The following FAM81B variants were observed in gnomAD, a reference collection of about 807,000 sequenced individuals.
FAM81B encodes protein FAM81B.
FAM81B carries 60 observed loss-of-function variants against 58.7 expected under a neutral mutation model. The observed-to-expected ratio is 1.02, with a 90% CI of 0.83 to 1.27. The LOEUF (loss-of-function observed/expected upper bound fraction) is 1.27, where lower values mean the gene tolerates loss of function less well. FAM81B is among the 50% of genes most tolerant of loss of function. The pLI is 0.00. For synonymous variants in FAM81B, 189 were observed against 179.6 expected (o/e 1.05, Z -0.42); for missense variants, 491 against 522.0 (o/e 0.94, Z 0.58).
At chr5:95,395,996 A>T in intron 2 of FAM81B, 115 bp from the exon 3 acceptor site, 1 of 747,010 alleles carries the variant, frequency 1.3e-6, no homozygotes. Context: ...TGAGCTGATT[A>T]TCTGGTCTAT....
intron 6 of FAM81B, among the ~76,000 whole-genome samples, chr5:95,435,005 G>A (rs1021301986): frequency 1.3e-5 from 2 of 152,326 alleles, no homozygotes; most frequent in East Asian, 3.9e-4. Flanking sequence ...TCTGGTTTCT[G>A]TGAAAAAGAT....
chr5:95,445,828 C>A (rs1745536322), intron 7 of FAM81B, among the ~76,000 whole-genome samples: 1 of 152,148 alleles, frequency 6.6e-6, no homozygotes, highest in African/African-American at 2.4e-5. Flanking sequence ...CTCCATTCTC[C>A]TGCCTCTGAC....
intron 3 of FAM81B, among the ~76,000 whole-genome samples, chr5:95,411,038 A>T (rs2152762978): frequency 6.6e-6 from 1 of 152,354 alleles, no homozygotes; most frequent in East Asian, 1.9e-4. Flanking sequence ...AGACAAATTT[A>T]AAGTAAACCT....
At chr5:95,423,504 C>G (rs1343442213) in intron 5 of FAM81B, among the ~76,000 whole-genome samples, 1 of 150,230 alleles carries the variant, frequency 6.7e-6, no homozygotes, top group Non-Finnish European at 1.5e-5. Context: ...ACTCTCTAGC[C>G]CCATTTGGCT....
rs10567707 is a variant in FAM81B at position 95,408,075 on chromosome 5, T to TGAGAGAGAGAGAGA, written c.294-5848_294-5835dup. ...ATATGGCAGTTGGCTTCCCCCAAAA[T>TGAGAGAGAGAGAGA]GAGAGAGAGAGAGAGAGAGAGAGAG... is the stretch of plus-strand genomic sequence containing the variant. On this transcript the variant is annotated intron_variant, in intron 3 of 9. Transcript: ENST00000283357. Among the ~76,000 whole-genome samples, 287 of 130,270 alleles carry TGAGAGAGAGAGAGA rather than the reference T, an allele frequency of 2.2e-3. 2 individuals are homozygous for TGAGAGAGAGAGAGA. The highest frequency in any genetic ancestry group is 3.3e-3 in the African/African-American group (112 of 33,706). The allele number at this position is 130,270 out of a possible 152,430, so 85.5% of individuals were successfully genotyped here.
chr5:95,440,952 G>A (rs902846040), intron 7 of FAM81B, among the ~76,000 whole-genome samples: 6 of 152,070 alleles, frequency 3.9e-5, no homozygotes, highest in Admixed American at 1.3e-4. Flanking sequence ...GAGAAGAGAA[G>A]AGCAATACTG....
intron 5 of FAM81B, among the ~76,000 whole-genome samples, chr5:95,427,012 G>A (rs967170192): frequency 2.0e-5 from 3 of 152,068 alleles, no homozygotes; most frequent in Admixed American, 6.5e-5. Flanking sequence ...TTGTGCCACT[G>A]CACTCCAGCC....
rs573162401 is a variant in FAM81B, at chr5:95,394,634, T to C, written c.229-1477T>C. On this transcript the variant is annotated intron_variant, in intron 2 of 9. Coordinates refer to ENST00000283357, the MANE Select transcript of FAM81B (RefSeq NM_152548.3). ...GCCCAGTGAATCAGTAGATCCATTC[T>C]CGAGGGGAAGACGTGGCTTAACAGC... 1.3e-4 allele frequency among the ~76,000 whole-genome samples: 20 copies of C among 152,274 alleles called. No homozygotes were observed. In the South Asian group the frequency reaches 3.9e-3, roughly 30 times the overall value.
At chr5:95,403,180 C>T (rs567597486) in intron 3 of FAM81B, among the ~76,000 whole-genome samples, 5 of 152,190 alleles carry the variant, frequency 3.3e-5, no homozygotes, top group Admixed American at 6.5e-5. Context: ...TTACTCTCCC[C>T]GCCTACCCTA....
chr5:95,420,157 C>G (rs1762639598), intron 4 of FAM81B, 127 bp from the exon 5 acceptor site: 2 of 1,098,174 alleles, frequency 1.8e-6, no homozygotes, highest in Non-Finnish European at 2.6e-6. Context: ...TGAGATAGGA[C>G]TCTCTCACTC....
intron 6 of FAM81B, among the ~76,000 whole-genome samples, chr5:95,429,871 G>A (rs1412818862): frequency 6.6e-6 from 1 of 152,134 alleles, no homozygotes; most frequent in Non-Finnish European, 1.5e-5. Context: ...AGTATCCAGT[G>A]ATTCCTACTT....
intron 2 of FAM81B, among the ~76,000 whole-genome samples, chr5:95,394,922 A>C (rs1251422179): frequency 6.6e-6 from 1 of 152,176 alleles, no homozygotes; most frequent in Non-Finnish European, 1.5e-5. Flanking sequence ...GGGCATTTGA[A>C]AAAGGAATGC....
chr5:95,425,992 ATCTTT>A (rs1187363789), intron 5 of FAM81B, among the ~76,000 whole-genome samples: 1 of 150,528 alleles, frequency 6.6e-6, no homozygotes, highest in Admixed American at 6.6e-5. Context: ...CACTACATTT[ATCTTT>A]TCTTAGGTTA....
Position 95,447,566 on chromosome 5 carries a change from AT to A in FAM81B, c.1030-701del, listed in dbSNP as rs546663922. Among the ~76,000 whole-genome samples, 44 of 152,302 alleles carry A rather than the reference AT, an allele frequency of 2.9e-4. 1 individual carries two copies. In the East Asian group the frequency reaches 7.5e-3, roughly 26 times the overall value. Reference sequence around the variant, plus strand: ...CGCAGCACTAGGTAACCGTGGGGTCATTGTGCAGGCAGAAACCTCCCACCAT... The same window carrying A: ...CGCAGCACTAGGTAACCGTGGGGTCATGTGCAGGCAGAAACCTCCCACCAT... On this transcript the variant is annotated intron_variant, in intron 8 of 9. Transcript: ENST00000283357.
At chr5:95,398,418 C>CTAAATAAATAAA (rs5869676) in intron 3 of FAM81B, among the ~76,000 whole-genome samples, 37 of 142,424 alleles carry the variant, frequency 2.6e-4, no homozygotes, top group Admixed American at 4.4e-4. Context: ...AACTCAATCT[C>CTAAATAAATAAA]TAAATAAATA....
chr5:95,399,234 T>C (rs1762043636), intron 3 of FAM81B, among the ~76,000 whole-genome samples: 1 of 152,196 alleles, frequency 6.6e-6, no homozygotes, highest in Non-Finnish European at 1.5e-5. Flanking sequence ...GAGTAGAATA[T>C]GGAATTCAGG....
chr5:95,448,643 TAA>T (rs1471546036), intron 9 of FAM81B, 179 bp downstream of exon 9: 2 of 655,718 alleles, frequency 3.1e-6, no homozygotes, highest in Admixed American at 5.7e-5. Context: ...GGCATATAAA[TAA>T]ATTAACTTTC....
chr5:95,400,451 T>C (rs377623901), intron 3 of FAM81B, among the ~76,000 whole-genome samples: 5 of 138,904 alleles, frequency 3.6e-5, no homozygotes, highest in South Asian at 4.6e-4. Context: ...CACACACACA[T>C]ACATACATAC....
intron 6 of FAM81B, among the ~76,000 whole-genome samples, chr5:95,434,522 A>G (rs1205427435): frequency 6.6e-6 from 1 of 152,150 alleles, no homozygotes; most frequent in African/African-American, 2.4e-5. Context: ...GATAATCCAG[A>G]ATAATCTCCC....
Sources: gnomAD v4.1 joint callset for allele counts (sites outside exome capture counted in the v4.1 genomes callset) on GRCh38, gnomAD v4.1.1 for gene constraint, MANE v1.5 for transcripts, NCBI Gene and HGNC (gene_info 2026-07-23, HGNC 2026-07-21) for gene names.